FSTL5: variants seen among roughly 807,000 people sequenced by gnomAD.
The protein encoded by FSTL5 is follistatin-related protein 5.
FSTL5 carries 62 observed loss-of-function variants against 89.1 expected under a neutral mutation model. The observed-to-expected ratio is 0.70, with a 90% CI of 0.57 to 0.86. FSTL5 has a LOEUF of 0.86. Ranked by LOEUF, FSTL5 falls within the 40% of genes least tolerant of loss-of-function variation. FSTL5 has a pLI of 0.00. For missense variants in FSTL5, 1,057 were observed against 1,001.6 expected (o/e 1.06, Z -0.75); for synonymous variants, 383 against 346.2 (o/e 1.11, Z -1.18).
chr4:161,506,481 T>G (rs1343243033), intron 11 of FSTL5, among the ~76,000 whole-genome samples: 2 of 152,134 alleles, frequency 1.3e-5, no homozygotes, highest in East Asian at 3.8e-4. Context: ...GTTACATGAT[T>G]AAGTTCTTTA....
chr4:161,899,896 T>C lies in FSTL5; in HGVS notation c.409+20508A>G, dbSNP rs114474993. Among the ~76,000 whole-genome samples the C allele has an allele frequency of 4.3e-3, 660 of 152,128 alleles. 6 individuals are homozygous for C. Among genetic ancestry groups the C allele is most frequent in the Non-Finnish European group, 4.8e-3 (327 of 67,964 alleles). ...GAAAACTGAGGGTGTAGAGTGAACT[T>C]AGAAAATCTTAGCTTTGGCTGAGCG... On this transcript the variant is annotated intron_variant, in intron 4 of 15. Transcript: ENST00000306100.
intron 2 of FSTL5, among the ~76,000 whole-genome samples, chr4:162,071,856 C>T (rs574694438): frequency 2.4e-4 from 37 of 151,808 alleles, no homozygotes; most frequent in Admixed American, 7.9e-4. Context: ...CTGTACAATA[C>T]ATATACAAAT....
rs1341429611 is a variant in FSTL5, at chr4:161,852,178, AAAAT to A, written c.409+68222_409+68225del. Among the ~76,000 whole-genome samples, 5 of 49,858 alleles carry A rather than the reference AAAAT, an allele frequency of 1.0e-4. No individual in the cohort carries two copies. In the East Asian group the frequency reaches 2.2e-3, roughly 22 times the overall value. The allele number at this position is 49,858 out of a possible 152,430, so 32.7% of individuals were successfully genotyped here. A position where few individuals can be genotyped will look rare whatever the true frequency, so the allele number is the denominator to read the frequency against. ...ACACTCTTTCAACATAGGTAGATAT[AAAAT>A]ATATATATATATATTTATTTGAAAT... is the stretch of plus-strand genomic sequence containing the variant. On this transcript the variant is annotated intron_variant, in intron 4 of 15. Coordinates refer to ENST00000306100, the MANE Select transcript of FSTL5 (RefSeq NM_020116.5).
At chr4:162,078,290 ATCATTTT>A (rs1729950144) in intron 2 of FSTL5, among the ~76,000 whole-genome samples, 1 of 152,018 alleles carries the variant, frequency 6.6e-6, no homozygotes, top group Admixed American at 6.6e-5. Context: ...GAACAAATAA[ATCATTTT>A]TAGATAAGAT....
At chr4:161,513,158 A>G (rs1384549756) in intron 10 of FSTL5, among the ~76,000 whole-genome samples, 2 of 152,034 alleles carry the variant, frequency 1.3e-5, no homozygotes, top group Non-Finnish European at 2.9e-5. Flanking sequence ...TATAACCACA[A>G]TTTATATAAA....
chr4:161,951,396 T>A (rs1300482801), intron 3 of FSTL5, among the ~76,000 whole-genome samples: 1 of 152,124 alleles, frequency 6.6e-6, no homozygotes, highest in Non-Finnish European at 1.5e-5. Context: ...CAGTCAGAAA[T>A]CTCTTCTCTA....
chr4:161,418,798 A>G (rs1288333918), intron 15 of FSTL5, among the ~76,000 whole-genome samples: 1 of 152,244 alleles, frequency 6.6e-6, no homozygotes, highest in Non-Finnish European at 1.5e-5. Context: ...TTAGTCAGAT[A>G]AAGACAGGAC....
chr4:161,822,145 G>A lies in FSTL5; in HGVS notation c.410-46071C>T, dbSNP rs1436403797. On this transcript the variant is annotated intron_variant, in intron 4 of 15. Coordinates refer to ENST00000306100, the MANE Select transcript of FSTL5 (RefSeq NM_020116.5). ...ATTCTTGCAGGAGTAAGGTGGTATTGCATTATGGTTTTGATTTACATTTTC... is the reference window on the plus strand; with the variant it reads ...ATTCTTGCAGGAGTAAGGTGGTATTACATTATGGTTTTGATTTACATTTTC... Among the ~76,000 whole-genome samples, 5 of 151,990 alleles carry A rather than the reference G, an allele frequency of 3.3e-5. 1 individual carries two copies. The South Asian group carries it at 1.0e-3, about 32-fold the overall frequency.
intron 15 of FSTL5, among the ~76,000 whole-genome samples, chr4:161,424,479 T>C (rs543486862): frequency 6.6e-6 from 1 of 152,004 alleles, no homozygotes; most frequent in South Asian, 2.1e-4. Context: ...GTAGAAGACT[T>C]GCATTTTTGT....
chr4:162,007,616 A>T (rs1383169800), intron 3 of FSTL5, among the ~76,000 whole-genome samples: 1 of 149,958 alleles, frequency 6.7e-6, no homozygotes. Flanking sequence ...ATTTCATCAT[A>T]TCCAACTTAT....
At chr4:161,465,633 A>G (rs990237569) in intron 13 of FSTL5, among the ~76,000 whole-genome samples, 4 of 152,188 alleles carry the variant, frequency 2.6e-5, no homozygotes, top group Non-Finnish European at 4.4e-5. Context: ...AGTTGTTTTC[A>G]AACTGTCTTG....
chr4:161,957,695 ATTC>A (rs1049507929), intron 3 of FSTL5, among the ~76,000 whole-genome samples: 2 of 152,036 alleles, frequency 1.3e-5, no homozygotes, highest in African/African-American at 2.4e-5. Context: ...CAGAATCCTC[ATTC>A]TTCTTTTTGT....
chr4:161,600,550 C>T (rs1462904287), intron 7 of FSTL5, among the ~76,000 whole-genome samples: 1 of 151,986 alleles, frequency 6.6e-6, no homozygotes, highest in African/African-American at 2.4e-5. Flanking sequence ...ATAAGTATCT[C>T]AAAGTAAATA....
intron 11 of FSTL5, among the ~76,000 whole-genome samples, chr4:161,506,906 T>C (rs1055141650): frequency 1.3e-5 from 2 of 152,322 alleles, no homozygotes; most frequent in South Asian, 2.1e-4. Context: ...TTCTATAACA[T>C]ATTTTTGTGT....
intron 15 of FSTL5, among the ~76,000 whole-genome samples, chr4:161,448,793 G>A (rs1413441971): frequency 6.6e-6 from 1 of 152,046 alleles, no homozygotes; most frequent in Non-Finnish European, 1.5e-5. Context: ...TACACTCTTA[G>A]CACTTATTTC....
intron 7 of FSTL5, among the ~76,000 whole-genome samples, chr4:161,625,039 T>C (rs1735267469): frequency 6.6e-6 from 1 of 152,130 alleles, no homozygotes; most frequent in African/African-American, 2.4e-5. Context: ...TAGGATTCTA[T>C]GATGGTTAAT....
chr4:162,043,559 T>C (rs1019200269), intron 2 of FSTL5, among the ~76,000 whole-genome samples: 245 of 152,084 alleles, frequency 1.6e-3, no homozygotes, highest in African/African-American at 5.7e-3. Flanking sequence ...AAGGTTAGGG[T>C]GGATGTGGCA....
chr4:161,891,875 T>C (rs1217744974), intron 4 of FSTL5, among the ~76,000 whole-genome samples: 1 of 152,078 alleles, frequency 6.6e-6, no homozygotes. Context: ...GACTCTTCTA[T>C]TGTTCTGTGG....
At chr4:161,431,192 A>G (rs1190438639) in intron 15 of FSTL5, among the ~76,000 whole-genome samples, 1 of 152,212 alleles carries the variant, frequency 6.6e-6, no homozygotes, top group African/African-American at 2.4e-5. Flanking sequence ...AACTACTCAT[A>G]TCTTGACTAG....
Sources: gnomAD v4.1 joint callset for allele counts (sites outside exome capture counted in the v4.1 genomes callset) on GRCh38, gnomAD v4.1.1 for gene constraint, MANE v1.5 for transcripts, NCBI Gene and HGNC (gene_info 2026-07-23, HGNC 2026-07-21) for gene names.